The following SPMIP4 variants were observed in gnomAD, a reference collection of about 807,000 sequenced individuals.
SPMIP4 encodes the protein sperm-associated microtubule inner protein 4.
the SPMIP4 span, among the ~76,000 whole-genome samples, chr7:25,158,309 C>T: frequency 7.1e-6 from 1 of 141,584 alleles, no homozygotes; most frequent in Non-Finnish European, 1.5e-5. Flanking sequence ...GTCAAGGCTG[C>T]AGTGAGCTGT....
chr7:25,155,909 T>A, the SPMIP4 span, among the ~76,000 whole-genome samples: 1 of 152,218 alleles, frequency 6.6e-6, no homozygotes, highest in South Asian at 2.1e-4. Flanking sequence ...ATGTTATTCA[T>A]AACAAGAAAA....
At chr7:25,176,102 T>TGGCAATATATCGTGTTGAATTTTATAGTC in the SPMIP4 span, among the ~76,000 whole-genome samples, 1 of 152,240 alleles carries the variant, frequency 6.6e-6, no homozygotes, top group African/African-American at 2.4e-5. This position sits in a 1 kb window ranked among gnomAD's most constrained non-coding sequence, Gnocchi z 4.4. Flanking sequence ...AGTTTATAGT[T>TGGCAATATATCGTGTTGAATTTTATAGTC]GGCCATATAT....
At chr7:25,169,403 G>A in the SPMIP4 span, among the ~76,000 whole-genome samples, 1 of 151,786 alleles carries the variant, frequency 6.6e-6, no homozygotes, top group South Asian at 2.1e-4. Context: ...TCTTTCCCTC[G>A]GCAACTATTA....
chr7:25,176,931 C>G, the SPMIP4 span, among the ~76,000 whole-genome samples: 2 of 152,204 alleles, frequency 1.3e-5, no homozygotes, highest in African/African-American at 4.8e-5. The surrounding 1 kb of genome is among the most constrained non-coding windows in gnomAD (Gnocchi z 4.4). Flanking sequence ...GGAGCTGAAT[C>G]TGTGAGAATC....
At chr7:25,179,495 C>T in the SPMIP4 span, 3 of 465,770 alleles carry the variant, frequency 6.4e-6, no homozygotes, top group Non-Finnish European at 1.1e-5. Flanking sequence ...TAAATAAGTT[C>T]TATGGAAATA....
chr7:25,142,880 T>C, the SPMIP4 span: 17 of 1,255,736 alleles, frequency 1.4e-5, no homozygotes, highest in Non-Finnish European at 1.8e-5. Flanking sequence ...TGATTCATGA[T>C]CTCAGCAGGA....
the SPMIP4 span, chr7:25,179,079 A>T: frequency 2.2e-4 from 284 of 1,288,616 alleles, 2 homozygotes; most frequent in Non-Finnish European, 3.2e-6. Context: ...GAAACAGAAG[A>T]GCCCCAGAAC....
chr7:25,151,382 C>A, the SPMIP4 span, among the ~76,000 whole-genome samples: 49 of 151,970 alleles, frequency 3.2e-4, no homozygotes, highest in African/African-American at 1.2e-3. Flanking sequence ...CCACCACACC[C>A]GGCTAATTTT....
chr7:25,129,406 A>G, the SPMIP4 span, among the ~76,000 whole-genome samples: 2 of 152,100 alleles, frequency 1.3e-5, no homozygotes, highest in South Asian at 4.1e-4. Flanking sequence ...TTTCACTGTG[A>G]CAGGGCAGCA....
the SPMIP4 span, chr7:25,136,380 G>C: frequency 1.4e-5 from 22 of 1,614,180 alleles, no homozygotes; most frequent in Non-Finnish European, 1.9e-5. The surrounding 1 kb of genome is among the most constrained non-coding windows in gnomAD (Gnocchi z 5.7). Flanking sequence ...CTGGTTTACA[G>C]TAAGGTGTGG....
chr7:25,158,919 G>A, the SPMIP4 span, among the ~76,000 whole-genome samples: 1 of 151,768 alleles, frequency 6.6e-6, no homozygotes, highest in Non-Finnish European at 1.5e-5. Flanking sequence ...TTAAGATAAT[G>A]TTCTTGATTA....
At chr7:25,135,630 A>AT in the SPMIP4 span, 117 of 849,610 alleles carry the variant, frequency 1.4e-4, 1 homozygote, top group Middle Eastern at 1.2e-3. Flanking sequence ...CAGCTTTTCA[A>AT]TTTTTTTTGG....
chr7:25,137,632 T>C, the SPMIP4 span, among the ~76,000 whole-genome samples: 3 of 152,200 alleles, frequency 2.0e-5, no homozygotes, highest in Non-Finnish European at 4.4e-5. Flanking sequence ...TCCCTTGGCT[T>C]GTAGAGGCAT....
the SPMIP4 span, among the ~76,000 whole-genome samples, chr7:25,153,142 T>TA: frequency 4.2e-4 from 64 of 152,312 alleles, no homozygotes; most frequent in African/African-American, 1.4e-3. Context: ...TAAGGGTTGT[T>TA]AGAGGATGCT....
chr7:25,157,459 C>T, the SPMIP4 span, among the ~76,000 whole-genome samples: 33,041 of 151,856 alleles, frequency 0.22, 5,787 homozygotes, highest in African/African-American at 0.49. Flanking sequence ...ACACCTCTGC[C>T]GGGCAGTCAG....
chr7:25,173,518 A>T, the SPMIP4 span, among the ~76,000 whole-genome samples: 1 of 152,198 alleles, frequency 6.6e-6, no homozygotes, highest in Non-Finnish European at 1.5e-5. This position sits in a 1 kb window ranked among gnomAD's most constrained non-coding sequence, Gnocchi z 4.4. Context: ...ACAGAAAAAA[A>T]GTTTGCTAAC....
the SPMIP4 span, among the ~76,000 whole-genome samples, chr7:25,150,207 A>T: frequency 6.6e-6 from 1 of 152,212 alleles, no homozygotes; most frequent in African/African-American, 2.4e-5. Context: ...GGAATGTGAC[A>T]TGAGGAAAAC....
chr7:25,161,081 T>C, the SPMIP4 span: 6 of 606,614 alleles, frequency 9.9e-6, no homozygotes, highest in African/African-American at 3.9e-5. Context: ...AAAGAAATAA[T>C]TTGTTTCTCT....
At chr7:25,131,237 G>C in the SPMIP4 span, among the ~76,000 whole-genome samples, 1 of 152,128 alleles carries the variant, frequency 6.6e-6, no homozygotes, top group African/African-American at 2.4e-5. This position sits in a 1 kb window ranked among gnomAD's most constrained non-coding sequence, Gnocchi z 4.2. Context: ...ACCCCCACAT[G>C]GGACCATCTA....
Sources: allele counts gnomAD v4.1 joint callset (sites outside exome capture counted in the v4.1 genomes callset), GRCh38; gene constraint gnomAD v4.1.1; non-coding constraint Gnocchi (gnomAD v3.1); transcripts MANE v1.5; gene names NCBI Gene and HGNC (gene_info 2026-07-23, HGNC 2026-07-21).